NPC1: variants seen among roughly 807,000 people sequenced by gnomAD.
NPC1 encodes the protein NPC intracellular cholesterol transporter 1.
Under a neutral mutation model 140.4 loss-of-function variants are expected in NPC1, and 85 were observed. The ratio of observed to expected loss-of-function variants is 0.61; its 90% CI spans 0.51 to 0.72. NPC1 has a LOEUF of 0.72. NPC1 is among the 30% of genes least tolerant of loss of function. The pLI, the probability that NPC1 is intolerant of heterozygous loss-of-function variation, is 0.00. For missense variants in NPC1, 1,504 were observed against 1,623.8 expected, an observed-to-expected ratio of 0.93 and a Z score of 1.27; for synonymous variants, 656 against 624.8, an observed-to-expected ratio of 1.05 and a Z score of -0.74.
chr18:23,535,556 G>A lies in NPC1; in HGVS notation c.3390C>T (p.Thr1130=). ...ELWSAVIMCA[T]IAMVLVNMFG... ...ACATGTTGACCAAGACCATGGCGAT[G>A]GTGGCACACATGATGACTGCAGACC... The change falls in exon 22 of 25, where the codon ACC becomes ACT. Residue 1130 remains threonine, a synonymous_variant. Coordinates refer to ENST00000269228, the MANE Select transcript of NPC1 (RefSeq NM_000271.5). 6.2e-7 allele frequency: 1 copy of A among 1,614,118 alleles called. No homozygotes were observed. Among genetic ancestry groups the A allele is most frequent in the Non-Finnish European group, 8.5e-7 (1 of 1,180,002 alleles).
chr18:23,529,479 T>A, downstream of NPC1: 1 of 1,248,440 alleles, frequency 8.0e-7, no homozygotes, highest in Non-Finnish European at 1.1e-6. Flanking sequence ...AGCATAATTG[T>A]TGACGGGTGG....
intron 14 of NPC1, 59 bp downstream of exon 14, chr18:23,543,396 C>T (rs2058739389): frequency 2.1e-5 from 20 of 937,714 alleles, no homozygotes; most frequent in South Asian, 1.3e-5. Context: ...AGGTAGCCAG[C>T]TCCTTCTTTC....
At chr18:23,529,643 T>A, downstream of NPC1, 1 of 1,614,116 alleles carries the variant, frequency 6.2e-7, no homozygotes, top group Non-Finnish European at 8.5e-7. Context: ...AGGAGATGCC[T>A]CATAAATTTG....
At chr18:23,524,532 T>C, downstream of NPC1, 2 of 1,587,796 alleles carry the variant, frequency 1.3e-6, no homozygotes, top group Middle Eastern at 1.7e-4. Flanking sequence ...CTTGTTGACT[T>C]TGGATCCCAG....
In NPC1 at chr18:23,515,496, G is replaced by A. The variant is rs191516237; in HGVS notation, c.432-8854C>T. Reference sequence around the variant, plus strand: ...TTCTTCTGCTTTTTATTCTCAGAGCGCACTGTAAGGATCTTCTGACAGTTT... The same window carrying A: ...TTCTTCTGCTTTTTATTCTCAGAGCACACTGTAAGGATCTTCTGACAGTTT... On this transcript the variant is annotated intron_variant, in intron 3 of 3. Coordinates refer to the NPC1 transcript ENST00000591107. Among the ~76,000 whole-genome samples the A allele has an allele frequency of 3.9e-5, 6 of 152,190 alleles. No individual in the cohort carries two copies. The East Asian group carries it at 1.2e-3, about 29-fold the overall frequency.
rs138333002 is a variant in NPC1 at position 23,574,906 on chromosome 18, A to G, written c.58-1332T>C. On this transcript the variant is annotated intron_variant, in intron 1 of 24. Transcript: ENST00000269228. ...GTGATTCTAAGGAAAAAAGAAACGTATTGCAACTCTGGGTTTCCAACTAAT... is the reference window on the plus strand; with the variant it reads ...GTGATTCTAAGGAAAAAAGAAACGTGTTGCAACTCTGGGTTTCCAACTAAT... Among the ~76,000 whole-genome samples, 3 of 152,348 alleles carry G rather than the reference A, an allele frequency of 2.0e-5. No homozygotes were observed. The East Asian group carries it at 5.8e-4, about 29-fold the overall frequency.
At chr18:23,540,636 A>C (rs2058700998) in intron 16 of NPC1, 99 bp from the exon 17 acceptor site, 4 of 919,756 alleles carry the variant, frequency 4.3e-6, no homozygotes, top group Non-Finnish European at 7.0e-6. Context: ...GGATTTTTTA[A>C]AATGGAAAAG....
At chr18:23,535,370 A>AAGAT in intron 22 of NPC1, 99 bp downstream of exon 22, 1 of 877,986 alleles carries the variant, frequency 1.1e-6, no homozygotes, top group Non-Finnish European at 1.9e-6. Flanking sequence ...CAGACTTGGT[A>AAGAT]TCTTACTCCA....
In NPC1 at chr18:23,572,043, C is replaced by A. The variant is rs1391304419; in HGVS notation, c.287+31G>T. The A allele has an allele frequency of 2.1e-6, 3 of 1,410,460 alleles. No homozygotes were observed. In the Admixed American group the frequency reaches 5.0e-5, roughly 24 times the overall value. 87.4% of individuals were successfully genotyped at this position (1,410,460 alleles called of 1,614,324 possible). ...TTACCAGTTCACAAGTATCTACAGC[C>A]CAGTTGTTCTGTTTCCCCAGCAGAA... On this transcript the variant is annotated intron_variant, in intron 3 of 24. Coordinates refer to ENST00000269228, the MANE Select transcript of NPC1 (RefSeq NM_000271.5).
intron 1 of NPC1, chr18:23,577,006 T>C (rs2059292901): frequency 6.6e-6 from 1 of 152,308 alleles, no homozygotes; most frequent in African/African-American, 2.4e-5. Context: ...CACATCCTGC[T>C]GATTGGTAGA....
At chr18:23,519,249 G>C, downstream of NPC1, 1 of 1,319,534 alleles carries the variant, frequency 7.6e-7, no homozygotes, top group Non-Finnish European at 1.1e-6. Flanking sequence ...TGGGCACGGT[G>C]GATCACGCCT....
chr18:23,515,761 G>T (rs1240095093), intron 3 of NPC1: 1 of 1,458,566 alleles, frequency 6.9e-7, no homozygotes, highest in African/African-American at 1.4e-5. Flanking sequence ...TCGAACTCCT[G>T]ACCTCAGGTG....
rs1419521910 is a variant in NPC1, at chr18:23,573,872, AAAGC to A, written c.58-302_58-299del. 2.0e-5 allele frequency among the ~76,000 whole-genome samples: 3 copies of A among 152,344 alleles called. No individual in the cohort carries two copies. The South Asian group carries it at 6.2e-4, about 32-fold the overall frequency. On this transcript the variant is annotated intron_variant, in intron 1 of 24. Coordinates refer to ENST00000269228, the MANE Select transcript of NPC1 (RefSeq NM_000271.5). Reference sequence around the variant, plus strand: ...GAAATACTCAATCACAGTAGAGAGAAAAGCAAGATAGTGACTTAGCAATTACTAA... The same window carrying A: ...GAAATACTCAATCACAGTAGAGAGAAAAGATAGTGACTTAGCAATTACTAA...
Position 23,541,292 on chromosome 18 carries a change from T to C in NPC1, c.2373+14A>G, listed in dbSNP as rs771523995. 1.2e-5 allele frequency: 20 copies of C among 1,614,110 alleles called. No individual in the cohort carries two copies. Among genetic ancestry groups the C allele is most frequent in the Non-Finnish European group, 1.7e-6 (2 of 1,180,044 alleles). On this transcript the variant is annotated intron_variant, in intron 15 of 24. Transcript: ENST00000269228. ...ACTCAAATTAAATAGACTATAATCCTGGCACCAACTTACCTCTTGACGTTT... is the reference window on the plus strand; with the variant it reads ...ACTCAAATTAAATAGACTATAATCCCGGCACCAACTTACCTCTTGACGTTT...
At chr18:23,566,084 CACA>C (rs1442035551) in intron 4 of NPC1, among the ~76,000 whole-genome samples, 2 of 152,102 alleles carry the variant, frequency 1.3e-5, no homozygotes, top group African/African-American at 2.4e-5. Flanking sequence ...CATACCATTT[CACA>C]ACATTTGCCT....
At chr18:23,536,444 C>T (rs1012458820) in intron 21 of NPC1, among the ~76,000 whole-genome samples, 1 of 152,192 alleles carries the variant, frequency 6.6e-6, no homozygotes, top group Non-Finnish European at 1.5e-5. Flanking sequence ...TGTGCAGTGG[C>T]GCAGAGATCA....
In NPC1 at chr18:23,556,633, A is replaced by G; in HGVS notation, c.956-20T>C. 1 of 1,613,524 alleles carries G rather than the reference A, an allele frequency of 6.2e-7. No homozygotes were observed. Among genetic ancestry groups the G allele is most frequent in the Non-Finnish European group, 8.5e-7 (1 of 1,179,740 alleles). ...CCTCTCCTGGAAGAACGGGAGAGGA[A>G]GGGAAGGTGGAGGTTAAGAGCCAAG... On this transcript the variant is annotated intron_variant, in intron 7 of 24. Transcript: ENST00000269228.
At chr18:23,519,252 T>TTA, downstream of NPC1, 2 of 1,298,522 alleles carry the variant, frequency 1.5e-6, no homozygotes, top group Non-Finnish European at 2.2e-6. Context: ...GCACGGTGGA[T>TTA]CACGCCTGTA....
intron 12 of NPC1, 113 bp downstream of exon 12, chr18:23,544,847 G>T: frequency 1.2e-6 from 1 of 800,354 alleles, no homozygotes; most frequent in Non-Finnish European, 2.1e-6. Context: ...AAACATGGGG[G>T]AATTTATGGC....
Sources: gnomAD v4.1 joint callset for allele counts (sites outside exome capture counted in the v4.1 genomes callset) on GRCh38, gnomAD v4.1.1 for gene constraint, MANE v1.5 for transcripts, NCBI Gene and HGNC (gene_info 2026-07-23, HGNC 2026-07-21) for gene names.